PTPN23: variants seen among roughly 807,000 people sequenced by gnomAD.
PTPN23 encodes the protein tyrosine-protein phosphatase non-receptor type 23.
A neutral mutation model predicts 156.3 loss-of-function variants in PTPN23; 72 were observed. The ratio of observed to expected loss-of-function variants is 0.46; its 90% CI spans 0.38 to 0.56. The LOEUF is 0.56. PTPN23 is among the 20% of genes least tolerant of loss of function. The pLI, the probability that PTPN23 is intolerant of heterozygous loss-of-function variation, is 0.00. For missense variants in PTPN23, 1,974 were observed against 2,171.5 expected (o/e 0.91, Z 1.81); for synonymous variants, 957 against 899.6 (o/e 1.06, Z -1.14).
chr3:47,386,711 G>A (rs1414549021), intron 1 of PTPN23, among the ~76,000 whole-genome samples: 1 of 152,186 alleles, frequency 6.6e-6, no homozygotes, highest in Non-Finnish European at 1.5e-5. Context: ...GACATTGCCT[G>A]TTACCTGTGG....
Position 47,408,385 on chromosome 3 carries a change from G to A in PTPN23, c.1225G>A (p.Asp409Asn). 4.3e-6 allele frequency: 7 copies of A among 1,614,156 alleles called. No homozygotes were observed. Among genetic ancestry groups the A allele is most frequent in the Non-Finnish European group, 5.9e-6 (7 of 1,180,012 alleles). ...AATGCAGTTGGATCCCGAGACGGTG[G>A]ACAACCTTGATGCCTACAGCCACAT... The part of the protein sequence containing the change: ...DSMQLDPETV[D>N]NLDAYSHIPP... Residue 409 changes from aspartate (D) to asparagine (N), a missense_variant, in exon 15 of 25, where the codon GAC becomes AAC. Transcript: ENST00000265562.
chr3:47,406,654 G>C lies in PTPN23; in HGVS notation c.759+42G>C, dbSNP rs999809569. ...CCAGGGCGGGGCAGGGCGGGGCTGAGTGGCCACAGCTCAGGAAGCAAGTCG... is the reference window on the plus strand; with the variant it reads ...CCAGGGCGGGGCAGGGCGGGGCTGACTGGCCACAGCTCAGGAAGCAAGTCG... On this transcript the variant is annotated intron_variant, in intron 8 of 24. Transcript: ENST00000265562. This position sits in a 1 kb window ranked among gnomAD's most constrained non-coding sequence, Gnocchi z 5.8. The C allele has an allele frequency of 6.8e-6, 11 of 1,613,934 alleles. No homozygotes were observed. The highest frequency in any genetic ancestry group is 9.3e-6 in the Non-Finnish European group (11 of 1,179,978).
At chr3:47,402,708 T>C (rs1318189084) in intron 2 of PTPN23, among the ~76,000 whole-genome samples, 5 of 152,316 alleles carry the variant, frequency 3.3e-5, no homozygotes, top group African/African-American at 9.6e-5. Flanking sequence ...TGTGGGTTTT[T>C]TTGTTTTTTC....
chr3:47,381,362 TCTC>T (rs377313724), intron 1 of PTPN23, among the ~76,000 whole-genome samples, 182 bp downstream of exon 1: 11 of 152,068 alleles, frequency 7.2e-5, no homozygotes, highest in African/African-American at 2.4e-4. Flanking sequence ...AGGCCATTCT[TCTC>T]CTCCCCGATA....
In PTPN23 at chr3:47,412,417, A is replaced by C; in HGVS notation, c.4313A>C (p.Glu1438Ala). Residue 1438 changes from glutamate (E) to alanine (A), a missense_variant, in exon 23 of 25, where the codon GAG (glutamate) becomes GCG (alanine). Physicochemically the swap from Glu to Ala is moderately radical, Grantham distance 107. Around this residue, in one of 4 missense-constraint regions of PTPN23, gnomAD observed 484 missense variants for 516.0 expected, o/e 0.94. Transcript: ENST00000265562. Reference sequence around the variant, plus strand: ...CAGCAGAGAAAGCACATGCTGCAGGAGAAGGTGAGGATCTGGGCAGATGGG... The same window carrying C: ...CAGCAGAGAAAGCACATGCTGCAGGCGAAGGTGAGGATCTGGGCAGATGGG... ...MRQQRKHMLQ[E>A]KLHLRFCYEA... The C allele has an allele frequency of 6.2e-7, 1 of 1,612,926 alleles. No homozygotes were observed. Among genetic ancestry groups the C allele is most frequent in the Non-Finnish European group, 8.5e-7 (1 of 1,179,888 alleles).
In PTPN23 at chr3:47,407,093, A is replaced by T. The variant is rs890471997; in HGVS notation, c.808-37A>T. The T allele has an allele frequency of 1.2e-6, 2 of 1,612,906 alleles. No homozygotes were observed. Among genetic ancestry groups the T allele is most frequent in the Non-Finnish European group, 1.7e-6 (2 of 1,179,302 alleles). ...GCAGGAGGAGAAAGGGTCCAAGCAGAGGAGGACAGAGCAGGCTTTCCTGCC... is the reference window on the plus strand; with the variant it reads ...GCAGGAGGAGAAAGGGTCCAAGCAGTGGAGGACAGAGCAGGCTTTCCTGCC... On this transcript the variant is annotated intron_variant, in intron 9 of 24. Coordinates refer to ENST00000265562, the MANE Select transcript of PTPN23 (RefSeq NM_015466.4). The surrounding 1 kb of genome is among the most constrained non-coding windows in gnomAD (Gnocchi z 4.0).
Position 47,410,869 on chromosome 3 carries a change from A to C in PTPN23, c.3071A>C (p.Gln1024Pro), listed in dbSNP as rs534034755. 7.0e-6 allele frequency: 11 copies of C among 1,581,376 alleles called. No homozygotes were observed. The African/African-American group carries it at 1.7e-4, about 24-fold the overall frequency. ...LHTQLYPGPA[Q>P]DPLPAHSGAL... ...ACCCAGCTCTACCCAGGTCCCGCTCAAGACCCTCTGCCAGCCCACTCAGGG... is the reference window on the plus strand; with the variant it reads ...ACCCAGCTCTACCCAGGTCCCGCTCCAGACCCTCTGCCAGCCCACTCAGGG... The change falls in exon 20 of 25, where the codon CAA (glutamine) becomes CCA (proline). Residue 1024 changes from glutamine to proline, a missense_variant. By Grantham distance (76) the Gln-to-Pro change is moderately conservative (BLOSUM62 -1). Around this residue, in one of 4 missense-constraint regions of PTPN23, gnomAD observed 731 missense variants for 669.1 expected, o/e 1.09. Transcript: ENST00000265562.
intron 1 of PTPN23, among the ~76,000 whole-genome samples, chr3:47,387,715 T>C (rs1576210179): frequency 6.6e-6 from 1 of 152,360 alleles, no homozygotes; most frequent in Non-Finnish European, 1.5e-5. Context: ...TTTAATTGCC[T>C]TTTCTTCTTG....
chr3:47,400,357 G>C (rs1380130494), intron 2 of PTPN23, among the ~76,000 whole-genome samples: 1 of 152,204 alleles, frequency 6.6e-6, no homozygotes, highest in Non-Finnish European at 1.5e-5. Context: ...AGGTGCAGGG[G>C]ATGCTATGGG....
intron 2 of PTPN23, among the ~76,000 whole-genome samples, chr3:47,403,263 A>G (rs951825112): frequency 1.3e-5 from 2 of 151,812 alleles, no homozygotes; most frequent in Non-Finnish European, 2.9e-5. Flanking sequence ...CGTGTTAGCC[A>G]GGATGGTCTC....
chr3:47,390,059 C>A (rs1198559049), intron 1 of PTPN23, among the ~76,000 whole-genome samples: 2 of 137,158 alleles, frequency 1.5e-5, no homozygotes, highest in African/African-American at 5.6e-5. Flanking sequence ...GGTAACAGAG[C>A]GAGACTCCGT....
At position 47,409,356 on chromosome 3, in the gene PTPN23, G is replaced by A. The variant is rs765970884; in HGVS notation, c.1797+39G>A. The A allele has an allele frequency of 1.9e-6, 3 of 1,613,258 alleles. No homozygotes were observed. The Admixed American group carries it at 5.0e-5, about 27-fold the overall frequency. ...GCAGGGTAGAGGGGCTCTGGCTCCG[G>A]GCCCCACCCTTAGGAGTCGAGGCCC... On this transcript the variant is annotated intron_variant, in intron 17 of 24. Coordinates refer to ENST00000265562, the MANE Select transcript of PTPN23 (RefSeq NM_015466.4).
intron 21 of PTPN23, 34 bp downstream of exon 21, chr3:47,412,001 C>CTAAG (rs1559530329): frequency 6.2e-7 from 1 of 1,605,870 alleles, no homozygotes; most frequent in Non-Finnish European, 8.5e-7. Flanking sequence ...GGTTGGGGGT[C>CTAAG]TAAGTGCTGT....
chr3:47,397,307 A>T (rs1704899324), intron 2 of PTPN23, among the ~76,000 whole-genome samples: 1 of 152,242 alleles, frequency 6.6e-6, no homozygotes, highest in East Asian at 1.9e-4. Context: ...TGGTGCCGAC[A>T]GGCCTGTGTG....
chr3:47,412,198 G>C lies in PTPN23; in HGVS notation c.4178G>C (p.Ser1393Thr), dbSNP rs1705320749. 1 of 1,613,140 alleles carries C rather than the reference G, an allele frequency of 6.2e-7. No individual in the cohort carries two copies. The highest frequency in any genetic ancestry group is 8.5e-7 in the Non-Finnish European group (1 of 1,180,030). ...CACACGCCCATCATTGTGCACTGCAGGTAGAGGGTGGGCCTGAGGGTCTCT... is the reference window on the plus strand; with the variant it reads ...CACACGCCCATCATTGTGCACTGCACGTAGAGGGTGGGCCTGAGGGTCTCT... Reference protein sequence around the residue: ...PLHTPIIVHCSSGVGRTGAFA... With the variant: ...PLHTPIIVHCTSGVGRTGAFA... Residue 1393 changes from serine to threonine, a missense_variant and splice_region_variant, in exon 22 of 25, where the codon AGC becomes ACC. Physicochemically the swap from Ser to Thr is moderately conservative, Grantham distance 58. Coordinates refer to ENST00000265562, the MANE Select transcript of PTPN23 (RefSeq NM_015466.4).
chr3:47,407,694 C>T lies in PTPN23; in HGVS notation c.1004-3C>T, dbSNP rs1336886744. 6.8e-6 allele frequency: 11 copies of T among 1,612,780 alleles called. No homozygotes were observed. Among genetic ancestry groups the T allele is most frequent in the Middle Eastern group, 1.6e-4 (1 of 6,082 alleles). On this transcript the variant is annotated splice_region_variant and splice_polypyrimidine_tract_variant and intron_variant, in intron 12 of 24. Coordinates refer to ENST00000265562, the MANE Select transcript of PTPN23 (RefSeq NM_015466.4). The surrounding 1 kb of genome is among the most constrained non-coding windows in gnomAD (Gnocchi z 4.0). ...CTGATCTCCACAATTCCCACCCCCC[C>T]AGGAGCCCCCTTGGTGAAGCCCTTG...
chr3:47,399,260 C>T (rs1235885476), intron 2 of PTPN23, among the ~76,000 whole-genome samples: 1 of 152,124 alleles, frequency 6.6e-6, no homozygotes, highest in Non-Finnish European at 1.5e-5. Context: ...GTGGCTGCTA[C>T]TATGGTAGGG....
At chr3:47,395,959 C>A (rs900693) in intron 1 of PTPN23, among the ~76,000 whole-genome samples, 184 bp from the exon 2 acceptor site, 146,695 of 152,194 alleles carry the variant, frequency 0.96, 70,956 homozygotes, top group Non-Finnish European at 1. Flanking sequence ...TGCAGGGTCA[C>A]GGCTCTCGTG....
chr3:47,410,702 G>A lies in PTPN23; in HGVS notation c.2904G>A (p.Gly968=). 1.2e-6 allele frequency: 2 copies of A among 1,600,606 alleles called. No homozygotes were observed. The highest frequency in any genetic ancestry group is 1.7e-6 in the Non-Finnish European group (2 of 1,174,208). The part of the protein sequence containing the change: ...HPQPHPSQAF[G]PQPPQQPLPL... ...AGCCCCATCCTTCACAAGCGTTTGG[G>A]CCTCAGCCCCCACAGCAGCCCCTTC... Residue 968 remains glycine, a synonymous_variant, in exon 20 of 25, where the codon GGG becomes GGA. Transcript: ENST00000265562.
Sources: allele counts gnomAD v4.1 joint callset (sites outside exome capture counted in the v4.1 genomes callset), GRCh38; gene constraint gnomAD v4.1.1; regional missense constraint gnomAD v4.1.1; non-coding constraint Gnocchi (gnomAD v3.1); transcripts MANE v1.5; gene names NCBI Gene and HGNC (gene_info 2026-07-23, HGNC 2026-07-21).